The following TRAPPC9 variants were observed in gnomAD, a reference collection of about 807,000 sequenced individuals.
The protein encoded by TRAPPC9 is trafficking protein particle complex subunit 9.
A neutral mutation model predicts 124.0 loss-of-function variants in TRAPPC9; 83 were observed. That is an observed-to-expected ratio of 0.67 (90% CI 0.56 to 0.80). The LOEUF is 0.80. Ranked by LOEUF, TRAPPC9 falls within the 30% of genes least tolerant of loss-of-function variation. The pLI is 0.00. For missense variants in TRAPPC9, 1,302 were observed against 1,508.3 expected (o/e 0.86, Z 2.27); for synonymous variants, 638 against 617.5 (o/e 1.03, Z -0.49).
intron 17 of TRAPPC9, among the ~76,000 whole-genome samples, chr8:140,184,795 G>A (rs2062314835): frequency 1.3e-5 from 2 of 151,768 alleles, no homozygotes; most frequent in African/African-American, 2.4e-5. Context: ...TATGAATAAG[G>A]TCCATGAATT....
At chr8:140,062,799 G>A (rs1219769514) in intron 17 of TRAPPC9, among the ~76,000 whole-genome samples, 2 of 152,128 alleles carry the variant, frequency 1.3e-5, no homozygotes, top group East Asian at 1.9e-4. Flanking sequence ...GGAAGGAATG[G>A]AGGGTCTTCA....
intron 21 of TRAPPC9, among the ~76,000 whole-genome samples, chr8:139,766,685 AAC>A (rs1240832607): frequency 6.6e-6 from 1 of 152,132 alleles, no homozygotes; most frequent in Non-Finnish European, 1.5e-5. Context: ...CAAGGTGCTC[AAC>A]ACACAGTTTC....
At chr8:140,147,303 C>T (rs1192915196) in intron 17 of TRAPPC9, among the ~76,000 whole-genome samples, 1 of 152,232 alleles carries the variant, frequency 6.6e-6, no homozygotes, top group African/African-American at 2.4e-5. Context: ...TCTGGGTCAA[C>T]CCTAATGCCA....
intron 17 of TRAPPC9, among the ~76,000 whole-genome samples, chr8:140,142,214 C>T (rs1173186045): frequency 2.0e-5 from 3 of 152,234 alleles, no homozygotes; most frequent in African/African-American, 7.2e-5. Flanking sequence ...CTCAGACACA[C>T]GGCATCTCGT....
chr8:140,391,296 A>G (rs1197329472), intron 7 of TRAPPC9, among the ~76,000 whole-genome samples: 1 of 152,236 alleles, frequency 6.6e-6, no homozygotes, highest in Non-Finnish European at 1.5e-5. Context: ...TGTTGGATTC[A>G]ATGAGAGTTG....
At chr8:140,419,447 A>C (rs1192008583) in intron 5 of TRAPPC9, among the ~76,000 whole-genome samples, 3 of 142,014 alleles carry the variant, frequency 2.1e-5, no homozygotes, top group East Asian at 2.0e-4. Context: ...AAAAAAAAAA[A>C]AAAAACAAAA....
rs192328359 is a variant in TRAPPC9, at chr8:139,946,746, C to T, written c.2811-36446G>A. 2.2e-3 allele frequency among the ~76,000 whole-genome samples: 337 copies of T among 151,374 alleles called. 3 individuals carry two copies. The highest frequency in any genetic ancestry group is 7.6e-3 in the African/African-American group (314 of 41,234). On this transcript the variant is annotated intron_variant, in intron 19 of 22. Transcript: ENST00000438773. The stretch of plus-strand genomic sequence containing the variant: ...CTGAAATCCCAGCACTTTGGGAGGC[C>T]GAGGCGGGTGGATCACGAGGTCAGG...
intron 2 of TRAPPC9, among the ~76,000 whole-genome samples, chr8:140,441,089 C>T (rs752928009): frequency 2.0e-5 from 3 of 149,796 alleles, no homozygotes; most frequent in Non-Finnish European, 4.4e-5. Context: ...AGAGATCCTC[C>T]CACCTCAGCC....
chr8:140,344,270 G>A (rs1033472180), intron 9 of TRAPPC9, among the ~76,000 whole-genome samples: 1 of 152,180 alleles, frequency 6.6e-6, no homozygotes, highest in African/African-American at 2.4e-5. Context: ...GCTGTGAGAG[G>A]TAAATGTCCC....
intron 17 of TRAPPC9, among the ~76,000 whole-genome samples, chr8:140,114,028 C>T (rs188193022): frequency 6.6e-6 from 1 of 152,328 alleles, no homozygotes; most frequent in African/African-American, 2.4e-5. Context: ...CATAATCCCT[C>T]CCTAAGCCCT....
At chr8:140,027,940 A>C (rs1351786298) in intron 17 of TRAPPC9, among the ~76,000 whole-genome samples, 1 of 152,052 alleles carries the variant, frequency 6.6e-6, no homozygotes, top group African/African-American at 2.4e-5. Flanking sequence ...ACCTCCCACC[A>C]TGTCCCTCCC....
intron 19 of TRAPPC9, among the ~76,000 whole-genome samples, chr8:139,913,289 G>C (rs1831874587): frequency 6.6e-6 from 1 of 152,180 alleles, no homozygotes; most frequent in African/African-American, 2.4e-5. Flanking sequence ...CCCGGCGCTG[G>C]GTGTTCTGTG....
At chr8:140,025,022 C>G (rs148132029) in intron 17 of TRAPPC9, among the ~76,000 whole-genome samples, 1 of 152,158 alleles carries the variant, frequency 6.6e-6, no homozygotes, top group African/African-American at 2.4e-5. Context: ...TGGGGCCCAG[C>G]GGTACCCAGT....
intron 11 of TRAPPC9, among the ~76,000 whole-genome samples, chr8:140,296,361 C>T (rs1344612101): frequency 2.0e-5 from 3 of 152,206 alleles, no homozygotes; most frequent in Non-Finnish European, 4.4e-5. Context: ...ACCTCCCAGG[C>T]TCAGGTGATT....
At chr8:139,753,788 G>A (rs909320721) in intron 21 of TRAPPC9, among the ~76,000 whole-genome samples, 2 of 152,204 alleles carry the variant, frequency 1.3e-5, no homozygotes, top group Admixed American at 6.5e-5. Flanking sequence ...TGACCGCGAG[G>A]ATGAAAGGAC....
chr8:140,239,335 A>G (rs2063804993), intron 16 of TRAPPC9, among the ~76,000 whole-genome samples: 1 of 152,194 alleles, frequency 6.6e-6, no homozygotes, highest in Non-Finnish European at 1.5e-5. Context: ...AGAGGGCCTC[A>G]GATGGGGCCC....
Position 140,360,197 on chromosome 8 carries a change from C to A in TRAPPC9, c.1352-4G>T, listed in dbSNP as rs775482502. On this transcript the variant is annotated splice_polypyrimidine_tract_variant and splice_region_variant and intron_variant, in intron 8 of 22. Coordinates refer to ENST00000438773, the MANE Select transcript of TRAPPC9 (RefSeq NM_001160372.4). The stretch of plus-strand genomic sequence containing the variant: ...GCAGCCCAGCCTCTGTGCGTGCCTG[C>A]GATGGAAGTTACAAAACATCACAAA... 8.7e-6 allele frequency: 14 copies of A among 1,613,906 alleles called. No individual in the cohort carries two copies. The highest frequency in any genetic ancestry group is 2.2e-5 in the East Asian group (1 of 44,882).
At chr8:140,029,576 C>T (rs939501687) in intron 17 of TRAPPC9, among the ~76,000 whole-genome samples, 14 of 151,684 alleles carry the variant, frequency 9.2e-5, no homozygotes, top group African/African-American at 3.1e-4. Flanking sequence ...TCCAGTCTAT[C>T]GTTGTTGGAC....
In TRAPPC9 at chr8:140,087,466, C is replaced by T. The variant is rs1010213975; in HGVS notation, c.2557-63387G>A. On this transcript the variant is annotated intron_variant, in intron 17 of 22. Transcript: ENST00000438773. This position sits in a 1 kb window ranked among gnomAD's most constrained non-coding sequence, Gnocchi z 4.6. ...CGCACAGCCCCGCTGAAGAGCCGAA[C>T]GGTGCTCACACATGACTCGCCTGAA... 2.6e-5 allele frequency among the ~76,000 whole-genome samples: 4 copies of T among 152,206 alleles called. No individual in the cohort carries two copies. Among genetic ancestry groups the T allele is most frequent in the Admixed American group, 6.5e-5 (1 of 15,280 alleles).
Sources: gnomAD v4.1 joint callset for allele counts (sites outside exome capture counted in the v4.1 genomes callset) on GRCh38, gnomAD v4.1.1 for gene constraint, Gnocchi (gnomAD v3.1) non-coding constraint, MANE v1.5 for transcripts, NCBI Gene and HGNC (gene_info 2026-07-23, HGNC 2026-07-21) for gene names.